Variants in GBP7 observed in about 807,000 individuals in gnomAD.
GBP7 encodes guanylate-binding protein 7.
GBP7 carries 43 observed loss-of-function variants against 61.3 expected under a neutral mutation model. The ratio of observed to expected loss-of-function variants is 0.70; its 90% confidence interval spans 0.55 to 0.91. The LOEUF (loss-of-function observed/expected upper bound fraction) is 0.91, where lower values mean the gene tolerates loss of function less well. Among genes scored for constraint, GBP7 ranks in the 40% least tolerant of loss-of-function variants. GBP7 has a pLI of 0.00. For missense variants in GBP7, 717 were observed against 740.5 expected (o/e 0.97, Z 0.37); for synonymous variants, 267 against 271.0 (o/e 0.99, Z 0.14).
intron 1 of GBP7, 125 bp from the exon 2 acceptor site, chr1:89,172,079 T>C: frequency 1.5e-6 from 1 of 673,374 alleles, no homozygotes; most frequent in Non-Finnish European, 2.5e-6. Context: ...TAAGGAGACC[T>C]GTGGCCCTTT....
chr1:89,168,232 A>C (rs752904216), intron 2 of GBP7, among the ~76,000 whole-genome samples: 7 of 152,068 alleles, frequency 4.6e-5, no homozygotes, highest in Non-Finnish European at 8.8e-5. Flanking sequence ...CCCATTCCTA[A>C]GGAGAAAAAA....
At position 89,154,960 on chromosome 1, in the gene GBP7, G is replaced by A. The variant is rs372725409; in HGVS notation, c.319-2183C>T. Among the ~76,000 whole-genome samples the A allele has an allele frequency of 2.2e-4, 33 of 152,176 alleles. No homozygotes were observed. The East Asian group carries it at 3.7e-3, about 17-fold the overall frequency. ...TGGGAGGCACCTCCCAGTAGGGGCC[G>A]ACTGACACCTCAAACAGCCGGGTGC... is the stretch of plus-strand genomic sequence containing the variant. On this transcript the variant is annotated intron_variant, in intron 3 of 10. Coordinates refer to ENST00000294671, the MANE Select transcript of GBP7 (RefSeq NM_207398.3).
chr1:89,151,241 A>G (rs183528680), intron 5 of GBP7, among the ~76,000 whole-genome samples: 5 of 152,130 alleles, frequency 3.3e-5, no homozygotes, highest in African/African-American at 1.2e-4. Context: ...CCACTGTTCT[A>G]CTCTCTGTTT....
At chr1:89,158,813 C>T (rs1237672651) in intron 3 of GBP7, among the ~76,000 whole-genome samples, 10 of 152,092 alleles carry the variant, frequency 6.6e-5, no homozygotes, top group East Asian at 5.8e-4. Context: ...TCAATGCCAT[C>T]CCCATCAAGC....
intron 3 of GBP7, among the ~76,000 whole-genome samples, chr1:89,163,550 G>T (rs563857561): frequency 3.0e-4 from 46 of 151,032 alleles, no homozygotes; most frequent in African/African-American, 1.1e-3. Flanking sequence ...TCTAGTTTAT[G>T]TCCATGGAGG....
intron 9 of GBP7, among the ~76,000 whole-genome samples, chr1:89,137,224 TAGAA>T (rs386633302): frequency 2.0e-5 from 3 of 151,972 alleles, no homozygotes; most frequent in African/African-American, 7.2e-5. Context: ...CTGCCATACA[TAGAA>T]AGAAGAGCTG....
chr1:89,131,978 A>G lies in GBP7; in HGVS notation c.*171T>C, dbSNP rs1681687428. On this transcript the variant is annotated 3_prime_UTR_variant, in exon 11 of 11. Transcript: ENST00000294671. The stretch of plus-strand genomic sequence containing the variant: ...AATTTTATCTTCTAACTTGTTCCCC[A>G]TTTCTATTAATTATTACTTTAGTCA... The G allele has an allele frequency of 4.2e-6, 2 of 475,716 alleles. No individual in the cohort carries two copies. The highest frequency in any genetic ancestry group is 4.5e-5 in the South Asian group (1 of 22,086). The allele number at this position is 475,716 out of a possible 1,614,324, so 29.5% of individuals were successfully genotyped here. A position where few individuals can be genotyped will look rare whatever the true frequency, so the allele number is the denominator to read the frequency against.
Position 89,144,569 on chromosome 1 carries a change from T to C in GBP7, c.1366-2921A>G, listed in dbSNP as rs115159884. Among the ~76,000 whole-genome samples the C allele has an allele frequency of 1.5e-3, 234 of 152,312 alleles. 1 individual carries two copies. Among genetic ancestry groups the C allele is most frequent in the Non-Finnish European group, 2.9e-3 (196 of 68,014 alleles). ...TGCTATTTTTCCCTTTTTAATAATATAGGCTAATTTCTAATTTTGTTTTAC... is the reference window on the plus strand; with the variant it reads ...TGCTATTTTTCCCTTTTTAATAATACAGGCTAATTTCTAATTTTGTTTTAC... On this transcript the variant is annotated intron_variant, in intron 8 of 10. Transcript: ENST00000294671.
chr1:89,141,457 T>C (rs1681945779), intron 9 of GBP7, 89 bp downstream of exon 9: 3 of 1,123,592 alleles, frequency 2.7e-6, no homozygotes, highest in Non-Finnish European at 3.9e-6. Flanking sequence ...AGAAAGCTCC[T>C]GGTATAAGGA....
chr1:89,159,603 A>G (rs1343580755), intron 3 of GBP7, among the ~76,000 whole-genome samples: 2 of 152,206 alleles, frequency 1.3e-5, no homozygotes, highest in Non-Finnish European at 2.9e-5. Flanking sequence ...CAACAGACAC[A>G]TGAAAAAATG....
Position 89,152,425 on chromosome 1 carries a change from C to G in GBP7, c.468G>C (p.Ser156=), listed in dbSNP as rs144935084. ...TELTELIRAK[S]CPRPDEVEDS... is the part of the protein sequence containing the mutation. ...CCTCAACTTCATCAGGTCTGGGGCA[C>G]GATTTTGCCCTGATTAGCTCTGTTA... Residue 156 remains serine (S), a synonymous_variant, in exon 5 of 11, where the codon TCG becomes TCC. Transcript: ENST00000294671. 6 of 1,614,006 alleles carry G rather than the reference C, an allele frequency of 3.7e-6. No homozygotes were observed. The Admixed American group carries it at 8.3e-5, about 22-fold the overall frequency.
At chr1:89,145,361 G>A (rs962671528) in intron 8 of GBP7, among the ~76,000 whole-genome samples, 5 of 152,142 alleles carry the variant, frequency 3.3e-5, no homozygotes, top group African/African-American at 1.2e-4. Flanking sequence ...CATTCATGTT[G>A]TCGCCAGTGG....
intron 3 of GBP7, among the ~76,000 whole-genome samples, chr1:89,162,072 C>T (rs1307664223): frequency 6.9e-6 from 1 of 145,648 alleles, no homozygotes; most frequent in Non-Finnish European, 1.5e-5. Flanking sequence ...TGTCAAAGAT[C>T]AGATAGTTGT....
rs545107617 is a variant in GBP7 at position 89,159,285 on chromosome 1, C to G, written c.318+5446G>C. ...AGAAGAAAACCTAGGCAATACCATTCAGGACATAGGCATGGGCAAAGACTT... is the reference window on the plus strand; with the variant it reads ...AGAAGAAAACCTAGGCAATACCATTGAGGACATAGGCATGGGCAAAGACTT... On this transcript the variant is annotated intron_variant, in intron 3 of 10. Transcript: ENST00000294671. Among the ~76,000 whole-genome samples the G allele has an allele frequency of 2.0e-5, 3 of 152,284 alleles. No homozygotes were observed. The East Asian group carries it at 5.8e-4, about 29-fold the overall frequency.
intron 9 of GBP7, among the ~76,000 whole-genome samples, chr1:89,138,321 A>G (rs535233449): frequency 1.3e-5 from 2 of 151,092 alleles, no homozygotes; most frequent in African/African-American, 4.9e-5. Flanking sequence ...TAACATCCAC[A>G]TGGAACAACA....
intron 8 of GBP7, among the ~76,000 whole-genome samples, chr1:89,146,678 G>A (rs1243351686): frequency 6.6e-6 from 1 of 152,108 alleles, no homozygotes; most frequent in Non-Finnish European, 1.5e-5. Flanking sequence ...TGGCCATCAA[G>A]TATGTGAAAG....
intron 10 of GBP7, among the ~76,000 whole-genome samples, chr1:89,133,031 C>G (rs2100632522): frequency 1.3e-5 from 2 of 152,334 alleles, no homozygotes; most frequent in Middle Eastern, 6.8e-3. Flanking sequence ...AGCAGCCCAG[C>G]ACCCTGGGGG....
In GBP7 at chr1:89,152,461, G is replaced by T. The variant is rs148584394; in HGVS notation, c.432C>A (p.Tyr144Ter). The T allele has an allele frequency of 6.2e-6, 10 of 1,613,520 alleles. No homozygotes were observed. The highest frequency in any genetic ancestry group is 1.7e-5 in the Admixed American group (1 of 59,980). The change falls in exon 5 of 11, where the codon TAC becomes TAA. Residue 144 changes from tyrosine to a stop codon, truncating the protein, a stop_gained. Transcript: ENST00000294671. LOFTEE classifies it high-confidence loss of function. ...TGATTAGCTCTGTTAGCTCAGTCAC[G>T]TAGCTGGGATCTCAGCTAAGGAAGG... The part of the protein sequence containing the change: ...INHQALEQLH[Y>*]VTELTELIRA...
rs1289213435 is a variant in GBP7 at position 89,165,469 on chromosome 1, T to C, written c.191-611A>G. 2.0e-5 allele frequency among the ~76,000 whole-genome samples: 3 copies of C among 146,554 alleles called. 1 individual carries two copies. Among genetic ancestry groups the C allele is most frequent in the African/African-American group, 7.7e-5 (3 of 38,720 alleles). ...GTGAGCTGAGATTGTGCCACTGCAC[T>C]CCAGCCTGGTGACAGAGTGAGACTC... On this transcript the variant is annotated intron_variant, in intron 2 of 10. Coordinates refer to ENST00000294671, the MANE Select transcript of GBP7 (RefSeq NM_207398.3).
Sources: gnomAD v4.1 joint callset for allele counts (sites outside exome capture counted in the v4.1 genomes callset) on GRCh38, gnomAD v4.1.1 for gene constraint, MANE v1.5 for transcripts, NCBI Gene and HGNC (gene_info 2026-07-23, HGNC 2026-07-21) for gene names.